CFAP91: variants seen among roughly 807,000 people sequenced by gnomAD.
CFAP91 encodes the protein cilia and flagella associated protein 91, also known as cilia- and flagella-associated protein 91.
Under a neutral mutation model 95.9 loss-of-function variants are expected in CFAP91, and 85 were observed. The observed-to-expected ratio is 0.89, with a 90% CI of 0.74 to 1.06. The LOEUF (loss-of-function observed/expected upper bound fraction) is 1.06. CFAP91 is among the 50% of genes least tolerant of loss of function. CFAP91 has a pLI of 0.00. For missense variants in CFAP91, 962 were observed against 943.4 expected (o/e 1.02, Z -0.26); for synonymous variants, 335 against 327.5 (o/e 1.02, Z -0.25).
intron 6 of CFAP91, among the ~76,000 whole-genome samples, chr3:119,721,355 C>T (rs1319123758): frequency 3.9e-5 from 6 of 152,182 alleles, no homozygotes; most frequent in Non-Finnish European, 7.4e-5. Context: ...GGAATATCTA[C>T]CACAGCCTGT....
rs2053939771 is a variant in CFAP91, at chr3:119,733,372, G to T, written c.1210G>T (p.Glu404Ter). 2 of 1,613,854 alleles carry T rather than the reference G, an allele frequency of 1.2e-6. No individual in the cohort carries two copies. Among genetic ancestry groups the T allele is most frequent in the Non-Finnish European group, 1.7e-6 (2 of 1,179,948 alleles). ...YYLNTYEGLVELESCLPDFVT... is the reference protein window; with the variant it reads ...YYLNTYEGLV The stretch of plus-strand genomic sequence containing the variant: ...GTGCTTCCTTCCCATAGGATTAGTG[G>T]AACTTGAGTCATGTCTCCCAGATTT... Residue 404 changes from glutamate to a stop codon, truncating the protein, a stop_gained, in exon 10 of 18, where the codon GAA becomes TAA. Coordinates refer to ENST00000273390, the MANE Select transcript of CFAP91 (RefSeq NM_033364.4). LOFTEE classifies it high-confidence loss of function.
At chr3:119,703,467 T>C (rs770456778) in intron 1 of CFAP91, among the ~76,000 whole-genome samples, 21 of 152,320 alleles carry the variant, frequency 1.4e-4, no homozygotes, top group Non-Finnish European at 2.6e-4. Context: ...GGGGCGATTT[T>C]CCTGAAACCT....
At chr3:119,736,983 T>C (rs2054021074) in intron 10 of CFAP91, among the ~76,000 whole-genome samples, 1 of 152,142 alleles carries the variant, frequency 6.6e-6, no homozygotes, top group Non-Finnish European at 1.5e-5. Context: ...ATTACAGGCA[T>C]GCACCACCAT....
chr3:119,708,311 G>A (rs1030125873), intron 3 of CFAP91, among the ~76,000 whole-genome samples: 1 of 150,812 alleles, frequency 6.6e-6, no homozygotes, highest in African/African-American at 2.4e-5. Flanking sequence ...TGCTATTCTT[G>A]TGTGCTTTTA....
intron 16 of CFAP91, 130 bp from the exon 17 acceptor site, chr3:119,750,807 A>C (rs774457590): frequency 1.0e-6 from 1 of 968,140 alleles, no homozygotes; most frequent in Non-Finnish European, 1.6e-6. Flanking sequence ...AGGGAGCAGA[A>C]AGAAATTAGA....
rs1419587830 is a variant in CFAP91 at position 119,706,820 on chromosome 3, A to G, written c.136A>G (p.Ile46Val). Residue 46 changes from isoleucine (I) to valine (V), a missense_variant, in exon 2 of 18, where the codon ATT becomes GTT. Ile to Val is a conservative substitution (Grantham distance 29). Transcript: ENST00000273390. ...AYDFLYDPLF[I>V]VSSEKDHTQA... is the part of the protein sequence containing the mutation. ...TGTTTATTTTGCAGATCCATTGTTT[A>G]TTGTGTCAAGTGAGAAAGACCATAC... The G allele has an allele frequency of 6.2e-7, 1 of 1,613,032 alleles. No homozygotes were observed. The highest frequency in any genetic ancestry group is 1.1e-5 in the South Asian group (1 of 91,064).
At chr3:119,739,424 C>A in intron 12 of CFAP91, 98 bp downstream of exon 12, 1 of 1,044,792 alleles carries the variant, frequency 9.6e-7, no homozygotes, top group Non-Finnish European at 1.5e-6. Flanking sequence ...CCCTTTTGCA[C>A]CCTGCTATCC....
At chr3:119,706,609 C>G (rs2053368643) in intron 1 of CFAP91, 200 bp from the exon 2 acceptor site, 1 of 523,370 alleles carries the variant, frequency 1.9e-6, no homozygotes, top group Non-Finnish European at 3.4e-6. Context: ...AAAAGAAAAA[C>G]ATCTTGACAA....
chr3:119,737,734 A>G (rs1309446030), intron 11 of CFAP91, among the ~76,000 whole-genome samples: 1 of 152,270 alleles, frequency 6.6e-6, no homozygotes, highest in African/African-American at 2.4e-5. Flanking sequence ...AATCAGCATC[A>G]GAAGGTAGTG....
In CFAP91 at chr3:119,744,157, A is replaced by T. The variant is rs2054177771; in HGVS notation, c.1863A>T (p.Glu621Asp). ...AAGAGAGTGGTCGGCGCCAGGTGGAAAAACAGCGCCTGCGGGAGGAGGACG... is the reference window on the plus strand; with the variant it reads ...AAGAGAGTGGTCGGCGCCAGGTGGATAAACAGCGCCTGCGGGAGGAGGACG... Reference protein sequence around the residue: ...EAEESGRRQVEKQRLREEDEI... With the variant: ...EAEESGRRQVDKQRLREEDEI... The change falls in exon 14 of 18, where the codon GAA (glutamate) becomes GAT (aspartate). Residue 621 changes from glutamate (E) to aspartate (D), a missense_variant. By Grantham distance (45) the Glu-to-Asp change is conservative. Coordinates refer to ENST00000273390, the MANE Select transcript of CFAP91 (RefSeq NM_033364.4). 6.2e-7 allele frequency: 1 copy of T among 1,613,658 alleles called. No homozygotes were observed. Among genetic ancestry groups the T allele is most frequent in the Admixed American group, 1.7e-5 (1 of 59,984 alleles).
chr3:119,716,735 T>A (rs546118746), intron 6 of CFAP91, among the ~76,000 whole-genome samples: 23 of 152,278 alleles, frequency 1.5e-4, no homozygotes, highest in African/African-American at 5.3e-4. Context: ...TACAGGTGCA[T>A]GCCACCACAC....
At chr3:119,740,872 T>TGA in intron 13 of CFAP91, 177 bp downstream of exon 13, 1 of 730,620 alleles carries the variant, frequency 1.4e-6, no homozygotes, top group Non-Finnish European at 2.2e-6. Flanking sequence ...TGTGTGTGTG[T>TGA]GTGATGGAGT....
Position 119,707,424 on chromosome 3 carries a change from A to G in CFAP91, c.222A>G (p.Lys74=), listed in dbSNP as rs1201571723. The G allele has an allele frequency of 6.4e-7, 1 of 1,566,088 alleles. No individual in the cohort carries two copies. The highest frequency in any genetic ancestry group is 8.7e-7 in the Non-Finnish European group (1 of 1,148,384). Residue 74 remains lysine (K), a synonymous_variant, in exon 3 of 18, where the codon AAA becomes AAG. Transcript: ENST00000273390. ...RSRLRKVPRF[K]TMFSNLIHYP... is the part of the protein sequence containing the mutation. Reference sequence around the variant, plus strand: ...ATTAGAGAAAAGTTCCCAGGTTTAAAACCATGTTCAGTAACCTGATCCATT... The same window carrying G: ...ATTAGAGAAAAGTTCCCAGGTTTAAGACCATGTTCAGTAACCTGATCCATT...
intron 13 of CFAP91, 137 bp downstream of exon 13, chr3:119,740,832 C>A: frequency 5.5e-6 from 4 of 729,496 alleles, no homozygotes; most frequent in Non-Finnish European, 6.4e-6. Flanking sequence ...ACTCTGTCAG[C>A]ATTTGTGTGT....
At chr3:119,715,210 A>C (rs111374893) in intron 5 of CFAP91, among the ~76,000 whole-genome samples, 4 of 152,326 alleles carry the variant, frequency 2.6e-5, no homozygotes, top group African/African-American at 9.6e-5. Context: ...CAAAGAAGAA[A>C]GAAACCAGAG....
chr3:119,742,347 CTCTTA>C (rs1427329262), intron 13 of CFAP91, among the ~76,000 whole-genome samples: 1 of 152,212 alleles, frequency 6.6e-6, no homozygotes, highest in East Asian at 1.9e-4. Context: ...CTTCCCCCTT[CTCTTA>C]TATTTCTGTG....
At position 119,740,690 on chromosome 3, in the gene CFAP91, C is replaced by T. The variant is rs1299603101; in HGVS notation, c.1675C>T (p.His559Tyr). 10 of 1,613,648 alleles carry T rather than the reference C, an allele frequency of 6.2e-6. No homozygotes were observed. Among genetic ancestry groups the T allele is most frequent in the Non-Finnish European group, 3.4e-6 (4 of 1,179,830 alleles). ...ALQRQRNLHEHKVSLVENHLA... is the reference protein window; with the variant it reads ...ALQRQRNLHEYKVSLVENHLA... The stretch of plus-strand genomic sequence containing the variant: ...ACAGCGGCAGAGGAACTTGCATGAG[C>T]ACAAGGTTTTCCTTTTTTTGTTTTC... Residue 559 changes from histidine to tyrosine, a missense_variant, in exon 13 of 18, where the codon CAC becomes TAC. His to Tyr is a moderately conservative substitution (Grantham distance 83). Coordinates refer to ENST00000273390, the MANE Select transcript of CFAP91 (RefSeq NM_033364.4).
At chr3:119,742,299 G>T (rs2054136397) in intron 13 of CFAP91, among the ~76,000 whole-genome samples, 1 of 152,162 alleles carries the variant, frequency 6.6e-6, no homozygotes, top group African/African-American at 2.4e-5. Context: ...GAGGGAGTGA[G>T]CACCTCATGT....
chr3:119,736,268 G>GTTTTTTTTTTTT, intron 10 of CFAP91, among the ~76,000 whole-genome samples: 2 of 85,326 alleles, frequency 2.3e-5, no homozygotes, highest in Non-Finnish European at 4.5e-5. Context: ...TCTTTCTATT[G>GTTTTTTTTTTTT]TTTTTTTTTT....
Sources: allele counts gnomAD v4.1 joint callset (sites outside exome capture counted in the v4.1 genomes callset), GRCh38; gene constraint gnomAD v4.1.1; transcripts MANE v1.5; gene names NCBI Gene and HGNC (gene_info 2026-07-23, HGNC 2026-07-21).